The following GRIP2 variants were observed in gnomAD, a reference collection of about 807,000 sequenced individuals.
GRIP2 encodes the protein glutamate receptor interacting protein 2, also known as glutamate receptor-interacting protein 2.
In GRIP2, 58 loss-of-function variants were observed where a neutral mutation model predicts 108.3. The ratio of observed to expected loss-of-function variants is 0.54; its 90% CI spans 0.43 to 0.67. GRIP2 has a LOEUF of 0.67. Ranked by LOEUF, GRIP2 falls within the 30% of genes least tolerant of loss-of-function variation. GRIP2 has a pLI of 0.00. For missense variants in GRIP2, 1,278 were observed against 1,430.6 expected (o/e 0.89, Z 1.72); for synonymous variants, 586 against 598.2 (o/e 0.98, Z 0.30).
chr3:14,529,260 CAG>C (rs1231319308), intron 1 of GRIP2, among the ~76,000 whole-genome samples: 1 of 128,036 alleles, frequency 7.8e-6, no homozygotes, highest in African/African-American at 3.2e-5. Context: ...GCCTGGGCGA[CAG>C]AGTGAGACTC....
the GRIP2 span, chr3:14,573,528 G>A: frequency 6.6e-7 from 1 of 1,506,416 alleles, no homozygotes; most frequent in Non-Finnish European, 9.2e-7. Context: ...GTGCACCTGA[G>A]AGCAGAGCAT....
chr3:14,510,483 T>TCG (rs1422983239), intron 16 of GRIP2, among the ~76,000 whole-genome samples: 2 of 152,038 alleles, frequency 1.3e-5, no homozygotes, highest in Non-Finnish European at 2.9e-5. Flanking sequence ...CAGGCTGGTC[T>TCG]CGAACTCCTG....
chr3:14,563,888 A>T, the GRIP2 span, among the ~76,000 whole-genome samples: 10 of 152,292 alleles, frequency 6.6e-5, no homozygotes, highest in South Asian at 6.2e-4. Flanking sequence ...GAACACTGCC[A>T]TTCGGAGAAA....
chr3:14,494,320 T>C (rs1302875314), intron 23 of GRIP2, among the ~76,000 whole-genome samples: 1 of 152,202 alleles, frequency 6.6e-6, no homozygotes, highest in African/African-American at 2.4e-5. Context: ...CATATAAATA[T>C]GGCAAAAAAC....
the GRIP2 span, among the ~76,000 whole-genome samples, chr3:14,567,739 T>G: frequency 2.0e-5 from 3 of 152,260 alleles, no homozygotes; most frequent in Non-Finnish European, 4.4e-5. Context: ...GCTCATGTGC[T>G]GGGCAGCTCT....
At position 14,505,670 on chromosome 3, in the gene GRIP2, C is replaced by T. The variant is rs1405624270; in HGVS notation, c.2518G>A (p.Ala840Thr). ...TCCTCCTCTGGAAAGCTCTCGTCAG[C>T]TGGGGTTGGGGTATAGCTCGTCCTC... ...PRRTSYTPTP[A>T]DESFPEEEEE... is the part of the protein sequence containing the mutation. The change falls in exon 20 of 24, where the codon GCT (alanine) becomes ACT (threonine). Residue 840 changes from alanine to threonine, a missense_variant. By Grantham distance (58) the Ala-to-Thr change is moderately conservative. Transcript: ENST00000621039. This position sits in a 1 kb window ranked among gnomAD's most constrained non-coding sequence, Gnocchi z 4.2. 5 of 1,608,196 alleles carry T rather than the reference C, an allele frequency of 3.1e-6. No individual in the cohort carries two copies. The highest frequency in any genetic ancestry group is 4.2e-6 in the Non-Finnish European group (5 of 1,177,426).
intron 1 of GRIP2, among the ~76,000 whole-genome samples, chr3:14,539,448 A>C (rs1159351241): frequency 6.6e-6 from 1 of 152,096 alleles, no homozygotes; most frequent in Non-Finnish European, 1.5e-5. Context: ...CGGGGTGTCA[A>C]TCCCAGCTCG....
chr3:14,514,725 C>T (rs926772200), intron 11 of GRIP2, among the ~76,000 whole-genome samples: 2 of 152,324 alleles, frequency 1.3e-5, no homozygotes, highest in Middle Eastern at 3.4e-3. Flanking sequence ...CTGGGATTGA[C>T]TGTCATGCTG....
chr3:14,506,786 G>A lies in GRIP2; in HGVS notation c.2398+15C>T. 3 of 1,573,304 alleles carry A rather than the reference G, an allele frequency of 1.9e-6. No individual in the cohort carries two copies. The highest frequency in any genetic ancestry group is 2.6e-6 in the Non-Finnish European group (3 of 1,158,788). On this transcript the variant is annotated intron_variant, in intron 19 of 23. Transcript: ENST00000621039. Reference sequence around the variant, plus strand: ...GAGAGAGCGTGCCACTTGTCCAAGGGCCCCAAGGTATTACCTGGGCCCCCA... The same window carrying A: ...GAGAGAGCGTGCCACTTGTCCAAGGACCCCAAGGTATTACCTGGGCCCCCA...
the GRIP2 span, among the ~76,000 whole-genome samples, chr3:14,563,067 C>T: frequency 1.3e-5 from 2 of 152,122 alleles, no homozygotes; most frequent in Non-Finnish European, 2.9e-5. Flanking sequence ...ACACAAGAGA[C>T]TGATCAACCA....
At chr3:14,541,441 T>TA (rs1694967935), upstream of GRIP2, among the ~76,000 whole-genome samples, 1 of 152,210 alleles carries the variant, frequency 6.6e-6, no homozygotes, top group Admixed American at 6.5e-5. Flanking sequence ...GCCCTGCAGC[T>TA]AGTGGGAGAG....
At chr3:14,579,265 T>A in the GRIP2 span, among the ~76,000 whole-genome samples, 1 of 152,206 alleles carries the variant, frequency 6.6e-6, no homozygotes, top group Non-Finnish European at 1.5e-5. Context: ...AATAGGAAGA[T>A]CAGTGGTGGC....
chr3:14,588,545 C>G, the GRIP2 span, among the ~76,000 whole-genome samples: 1 of 152,124 alleles, frequency 6.6e-6, no homozygotes, highest in Non-Finnish European at 1.5e-5. Context: ...CTTCTGGGGT[C>G]CAGCCTCACT....
chr3:14,539,092 A>G (rs1694901078), intron 1 of GRIP2, among the ~76,000 whole-genome samples: 1 of 152,258 alleles, frequency 6.6e-6, no homozygotes, highest in African/African-American at 2.4e-5. Flanking sequence ...CCATCGGGTC[A>G]AATCCCAGCT....
At chr3:14,589,942 A>G in the GRIP2 span, among the ~76,000 whole-genome samples, 1 of 151,932 alleles carries the variant, frequency 6.6e-6, no homozygotes, top group Non-Finnish European at 1.5e-5. Context: ...ACAGGCATGA[A>G]CCATCACACC....
the GRIP2 span, among the ~76,000 whole-genome samples, chr3:14,588,256 G>T: frequency 6.6e-6 from 1 of 152,136 alleles, no homozygotes; most frequent in Non-Finnish European, 1.5e-5. Context: ...GGTTCAGCCT[G>T]GTTTATATTA....
At chr3:14,575,164 A>C in the GRIP2 span, among the ~76,000 whole-genome samples, 1 of 152,140 alleles carries the variant, frequency 6.6e-6, no homozygotes, top group African/African-American at 2.4e-5. Flanking sequence ...TTTACTTTTC[A>C]TTACTCTCTA....
At position 14,521,801 on chromosome 3, in the gene GRIP2, C is replaced by G; in HGVS notation, c.567-14G>C. 1 of 1,574,424 alleles carries G rather than the reference C, an allele frequency of 6.4e-7. No homozygotes were observed. The highest frequency in any genetic ancestry group is 1.2e-5 in the South Asian group (1 of 84,894). ...AGGGAGCCCTCCCTGTAGGGAAGGG[C>G]CAGTCACCAGCCTGGCCCGGCAGCA... On this transcript the variant is annotated splice_polypyrimidine_tract_variant and intron_variant, in intron 6 of 23. Transcript: ENST00000621039. This position sits in a 1 kb window ranked among gnomAD's most constrained non-coding sequence, Gnocchi z 5.1.
In GRIP2 at chr3:14,489,499, A is replaced by G. The variant is rs917707440; in HGVS notation, c.*4166T>C. ...GAGGTTCCCACATGGAGGCTCACAGAGGAAGCAGCTTGCTCACTCAGGGGT... is the reference window on the plus strand; with the variant it reads ...GAGGTTCCCACATGGAGGCTCACAGGGGAAGCAGCTTGCTCACTCAGGGGT... On this transcript the variant is annotated 3_prime_UTR_variant, in exon 24 of 24. Coordinates refer to ENST00000621039, the MANE Select transcript of GRIP2 (RefSeq NM_001080423.4). 1 of 152,474 alleles carries G rather than the reference A, an allele frequency of 6.6e-6. No individual in the cohort carries two copies. Among genetic ancestry groups the G allele is most frequent in the Non-Finnish European group, 1.5e-5 (1 of 68,042 alleles). The allele number at this position is 152,474 out of a possible 1,614,324, so 9.4% of individuals were successfully genotyped here. A position where few individuals can be genotyped will look rare whatever the true frequency, so the allele number is the denominator to read the frequency against.
Sources: allele counts gnomAD v4.1 joint callset (sites outside exome capture counted in the v4.1 genomes callset), GRCh38; gene constraint gnomAD v4.1.1; non-coding constraint Gnocchi (gnomAD v3.1); transcripts MANE v1.5; gene names NCBI Gene and HGNC (gene_info 2026-07-23, HGNC 2026-07-21).